CELA2A: variants seen among roughly 807,000 people sequenced by gnomAD.
CELA2A encodes the protein chymotrypsin-like elastase family member 2A.
Under a neutral mutation model 35.3 loss-of-function variants are expected in CELA2A, and 31 were observed. The ratio of observed to expected loss-of-function variants is 0.88; its 90% confidence interval spans 0.66 to 1.19. The LOEUF (loss-of-function observed/expected upper bound fraction) is 1.19. Among genes scored for constraint, CELA2A ranks in the 50% most tolerant of loss-of-function variants. CELA2A has a pLI of 0.00. For missense variants in CELA2A, 330 were observed against 352.9 expected (o/e 0.94, Z 0.52); for synonymous variants, 150 against 149.8 (o/e 1.00, Z -0.01).
At chr1:15,463,907 C>T (rs1444126787) in intron 5 of CELA2A, among the ~76,000 whole-genome samples, 1 of 151,324 alleles carries the variant, frequency 6.6e-6, no homozygotes, top group East Asian at 1.9e-4. Context: ...AAAAAAATAG[C>T]AGGATGTGGC....
At chr1:15,461,852 G>A in intron 3 of CELA2A, 194 bp downstream of exon 3, 2 of 741,096 alleles carry the variant, frequency 2.7e-6, no homozygotes, top group Non-Finnish European at 4.8e-6. Flanking sequence ...CATGGATGGA[G>A]TGTCTGTGCC....
intron 4 of CELA2A, chr1:15,463,065 C>T (rs923490582): frequency 9.5e-6 from 8 of 840,274 alleles, no homozygotes; most frequent in Non-Finnish European, 1.5e-5. Flanking sequence ...GCAAAGACTG[C>T]CAGAGCGACC....
intron 2 of CELA2A, among the ~76,000 whole-genome samples, chr1:15,458,645 G>T (rs1239168282): frequency 6.6e-6 from 1 of 152,072 alleles, no homozygotes; most frequent in Non-Finnish European, 1.5e-5. Context: ...AGGCGTGGTG[G>T]CTCATGCCTG....
chr1:15,467,547 C>G lies in CELA2A; in HGVS notation c.792+9C>G. 1 of 1,613,750 alleles carries G rather than the reference C, an allele frequency of 6.2e-7. No homozygotes were observed. Among genetic ancestry groups the G allele is most frequent in the East Asian group, 2.2e-5 (1 of 44,882 alleles). ...TCGACTGGATCAATTCGGTAAGAAC[C>G]GGACCAGCCCTGAGCCCCAAGGCAC... On this transcript the variant is annotated intron_variant, in intron 7 of 7. Transcript: ENST00000359621.
In CELA2A at chr1:15,463,493, G is replaced by A. The variant is rs1360105518; in HGVS notation, c.464G>A (p.Cys155Tyr). 1 of 1,614,006 alleles carries A rather than the reference G, an allele frequency of 6.2e-7. No homozygotes were observed. Among genetic ancestry groups the A allele is most frequent in the Non-Finnish European group, 8.5e-7 (1 of 1,179,952 alleles). The part of the protein sequence containing the change: ...AGTILPNNYP[C>Y]YVTGWGRLQT... The stretch of plus-strand genomic sequence containing the variant: ...ACCATTCTACCCAACAACTACCCCT[G>A]CTACGTCACGGGCTGGGGAAGGCTG... The change falls in exon 5 of 8, where the codon TGC (cysteine) becomes TAC (tyrosine). Residue 155 changes from cysteine (C) to tyrosine (Y), a missense_variant. By Grantham distance (194) the Cys-to-Tyr change is radical. Transcript: ENST00000359621.
intron 5 of CELA2A, among the ~76,000 whole-genome samples, chr1:15,465,304 C>G (rs539695639): frequency 2.6e-5 from 4 of 152,002 alleles, no homozygotes; most frequent in Middle Eastern, 3.4e-3. Flanking sequence ...GCACCGCGCC[C>G]GACCGACACT....
rs373410252 is a variant in CELA2A, at chr1:15,461,515, C to T, written c.130-46C>T. The T allele has an allele frequency of 2.0e-5, 32 of 1,605,514 alleles. No homozygotes were observed. The African/African-American group carries it at 4.1e-4, about 21-fold the overall frequency. On this transcript the variant is annotated intron_variant, in intron 2 of 7. Coordinates refer to ENST00000359621, the MANE Select transcript of CELA2A (RefSeq NM_033440.3). Reference sequence around the variant, plus strand: ...TTGGGAAACTGGAGTGCAGGGAGGCCCTGCTCTTTCAAACCTAGCCACAGA... The same window carrying T: ...TTGGGAAACTGGAGTGCAGGGAGGCTCTGCTCTTTCAAACCTAGCCACAGA...
chr1:15,469,123 A>G (rs1051943275), intron 7 of CELA2A, among the ~76,000 whole-genome samples: 1 of 152,096 alleles, frequency 6.6e-6, no homozygotes, highest in African/African-American at 2.4e-5. Context: ...GGTTGCAGTA[A>G]CCCGAGTTCG....
At chr1:15,458,004 T>C (rs1013223176) in intron 2 of CELA2A, among the ~76,000 whole-genome samples, 14 of 152,182 alleles carry the variant, frequency 9.2e-5, no homozygotes, top group African/African-American at 1.4e-4. Flanking sequence ...TTAAGAGAAA[T>C]GTGTAAAGTT....
intron 4 of CELA2A, 116 bp from the exon 5 acceptor site, chr1:15,463,270 A>T: frequency 6.6e-7 from 1 of 1,515,784 alleles, no homozygotes; most frequent in Non-Finnish European, 8.9e-7. Context: ...CCTGCCAGTC[A>T]GAGCAACCTG....
intron 3 of CELA2A, chr1:15,461,992 AT>A: frequency 1.8e-6 from 1 of 542,294 alleles, no homozygotes; most frequent in South Asian, 1.6e-5. Context: ...CAAAGCTTCA[AT>A]ACCATCACCT....
rs1420059892 is a variant in CELA2A, at chr1:15,464,011, T to C, written c.493+489T>C. Among the ~76,000 whole-genome samples the C allele has an allele frequency of 3.3e-5, 5 of 152,132 alleles. No individual in the cohort carries two copies. In the East Asian group the frequency reaches 9.7e-4, roughly 29 times the overall value. ...AGGTTGCAGTGAGCCAAGATTTCGCTACTGCACTCCAGCCTGGGGGACAGA... is the reference window on the plus strand; with the variant it reads ...AGGTTGCAGTGAGCCAAGATTTCGCCACTGCACTCCAGCCTGGGGGACAGA... On this transcript the variant is annotated intron_variant, in intron 5 of 7. Coordinates refer to ENST00000359621, the MANE Select transcript of CELA2A (RefSeq NM_033440.3).
rs75688346 is a variant in CELA2A, at chr1:15,459,852, C to A, written c.130-1709C>A. Among the ~76,000 whole-genome samples the A allele has an allele frequency of 9.5e-3, 1,434 of 151,258 alleles. 29 individuals are homozygous for A. Among genetic ancestry groups the A allele is most frequent in the African/African-American group, 0.032 (1,333 of 41,194 alleles). ...CAGCAACCAGCCAGGAACAGTGGCA[C>A]ACACCTTTAATCCCAGCTATTCAAG... On this transcript the variant is annotated intron_variant, in intron 2 of 7. Coordinates refer to ENST00000359621, the MANE Select transcript of CELA2A (RefSeq NM_033440.3).
intron 5 of CELA2A, 114 bp from the exon 6 acceptor site, chr1:15,465,885 T>C: frequency 7.9e-7 from 1 of 1,259,582 alleles, no homozygotes; most frequent in Non-Finnish European, 1.1e-6. Flanking sequence ...ACGTGGCTGT[T>C]CGCATGTTGC....
At position 15,461,751 on chromosome 1, in the gene CELA2A, G is replaced by A. The variant is rs573139696; in HGVS notation, c.227+93G>A. ...AATGGCCTGAACCATGCTACATAAA[G>A]CAGCCTTGCAAATAACCACTATACT... is the stretch of plus-strand genomic sequence containing the variant. On this transcript the variant is annotated intron_variant, in intron 3 of 7. Coordinates refer to ENST00000359621, the MANE Select transcript of CELA2A (RefSeq NM_033440.3). The A allele has an allele frequency of 1.7e-5, 25 of 1,450,324 alleles. No homozygotes were observed. The South Asian group carries it at 2.8e-4, about 16-fold the overall frequency. The allele number at this position is 1,450,324 out of a possible 1,614,324, so 89.8% of individuals were successfully genotyped here. A position where few individuals can be genotyped will look rare whatever the true frequency, so the allele number is the denominator to read the frequency against.
chr1:15,465,522 GA>G (rs1274094672), intron 5 of CELA2A, among the ~76,000 whole-genome samples: 1 of 152,120 alleles, frequency 6.6e-6, no homozygotes, highest in East Asian at 1.9e-4. Context: ...ATAAGTGACA[GA>G]AAGCCATGGA....
At chr1:15,460,308 T>C (rs1342433475) in intron 2 of CELA2A, among the ~76,000 whole-genome samples, 2 of 8,318 alleles carry the variant, frequency 2.4e-4, no homozygotes, top group Non-Finnish European at 8.2e-4. Flanking sequence ...CATTTTTAAA[T>C]TGGGGGGGGG....
chr1:15,458,119 A>G (rs947698006), intron 2 of CELA2A, among the ~76,000 whole-genome samples: 4 of 152,196 alleles, frequency 2.6e-5, no homozygotes, highest in Non-Finnish European at 5.9e-5. Context: ...TCATATATAT[A>G]TAGTAAAGAT....
chr1:15,465,880 G>A lies in CELA2A; in HGVS notation c.494-119G>A. ...TGAGGACACAGTATAGACAAACGTG[G>A]CTGTTCGCATGTTGCAATGGATGGA... On this transcript the variant is annotated intron_variant, in intron 5 of 7. Coordinates refer to ENST00000359621, the MANE Select transcript of CELA2A (RefSeq NM_033440.3). 10 of 1,184,284 alleles carry A rather than the reference G, an allele frequency of 8.4e-6. No homozygotes were observed. The South Asian group carries it at 1.4e-4, about 16-fold the overall frequency. The allele number at this position is 1,184,284 out of a possible 1,614,324, so 73.4% of individuals were successfully genotyped here.
Sources: allele counts gnomAD v4.1 joint callset (sites outside exome capture counted in the v4.1 genomes callset), GRCh38; gene constraint gnomAD v4.1.1; transcripts MANE v1.5; gene names NCBI Gene and HGNC (gene_info 2026-07-23, HGNC 2026-07-21).